CNOT1: variants seen among roughly 807,000 people sequenced by gnomAD.
The protein encoded by CNOT1 is CCR4-NOT transcription complex subunit 1.
CNOT1 carries 15 observed loss-of-function variants against 273.8 expected under a neutral mutation model. That is an observed-to-expected ratio of 0.05 (90% CI 0.04 to 0.08). The LOEUF (loss-of-function observed/expected upper bound fraction) is 0.08, where lower values mean the gene tolerates loss of function less well. Among genes scored for constraint, CNOT1 ranks in the 10% least tolerant of loss-of-function variants. The probability of loss-of-function intolerance (pLI) is 1.00; values close to 1 mark genes in which losing one functional copy is unlikely to be tolerated. For missense variants in CNOT1, 1,644 were observed against 2,912.2 expected (o/e 0.56, Z 10.02); for synonymous variants, 1,022 against 1,005.5 (o/e 1.02, Z -0.31).
At position 58,520,919 on chromosome 16, in the gene CNOT1, A is replaced by G. The variant is rs2039345115; in HGVS notation, c.*39T>C. Reference sequence around the variant, plus strand: ...CAGTTTATGAACTCGGTGCAGTGAGACCTCTAGACTGACACGTACAACAGA... The same window carrying G: ...CAGTTTATGAACTCGGTGCAGTGAGGCCTCTAGACTGACACGTACAACAGA... On this transcript the variant is annotated 3_prime_UTR_variant, in exon 49 of 49. Coordinates refer to ENST00000317147, the MANE Select transcript of CNOT1 (RefSeq NM_016284.5). The G allele has an allele frequency of 1.3e-6, 2 of 1,588,822 alleles. No individual in the cohort carries two copies. The highest frequency in any genetic ancestry group is 1.7e-6 in the Non-Finnish European group (2 of 1,162,678).
chr16:58,558,234 A>G (rs1479748369), intron 18 of CNOT1, among the ~76,000 whole-genome samples: 1 of 152,206 alleles, frequency 6.6e-6, no homozygotes, highest in African/African-American at 2.4e-5. Context: ...TTAATAAAAA[A>G]TCCTTACTAA....
chr16:58,562,810 G>A (rs534987742), intron 16 of CNOT1, among the ~76,000 whole-genome samples: 8 of 152,112 alleles, frequency 5.3e-5, no homozygotes, highest in African/African-American at 1.9e-4. Flanking sequence ...GTGACAGTGC[G>A]AGACTCCATC....
At position 58,574,871 on chromosome 16, in the gene CNOT1, T is replaced by C. The variant is rs559092680; in HGVS notation, c.1828-111A>G. On this transcript the variant is annotated intron_variant, in intron 15 of 48. Coordinates refer to ENST00000317147, the MANE Select transcript of CNOT1 (RefSeq NM_016284.5). ...AAATCCAAAATAAGTAACATCTTCA[T>C]TGCCATTTAAAAAAGTTGTTTCTTT... 1.0e-3 allele frequency: 1,598 copies of C among 1,561,292 alleles called. 2 individuals are homozygous for C. Among genetic ancestry groups the C allele is most frequent in the Non-Finnish European group, 1.3e-3 (1,545 of 1,161,708 alleles).
At position 58,575,074 on chromosome 16, in the gene CNOT1, G is replaced by A; in HGVS notation, c.1760C>T (p.Ala587Val). 1 of 1,614,100 alleles carries A rather than the reference G, an allele frequency of 6.2e-7. No homozygotes were observed. The highest frequency in any genetic ancestry group is 8.5e-7 in the Non-Finnish European group (1 of 1,180,014). ...GAGGTATTCACGACGTGAAGCAAGTGCAGCAAGGTCAATAACAAAGGCAAA... is the reference window on the plus strand; with the variant it reads ...GAGGTATTCACGACGTGAAGCAAGTACAGCAAGGTCAATAACAAAGGCAAA... The part of the protein sequence containing the change: ...TPFAFVIDLA[A>V]LASRREYLKL... Residue 587 changes from alanine (A) to valine (V), a missense_variant, in exon 15 of 49, where the codon GCA becomes GTA. Physicochemically the swap from Ala to Val is moderately conservative, Grantham distance 64. Around this residue, in one of 13 missense-constraint regions of CNOT1, gnomAD observed 706 missense variants for 1,021.2 expected, o/e 0.69. Transcript: ENST00000317147.
At chr16:58,548,659 A>T (rs771009820) in intron 25 of CNOT1, 12 of 515,558 alleles carry the variant, frequency 2.3e-5, no homozygotes, top group South Asian at 1.7e-4. Context: ...GACCCAAGTT[A>T]TTGAGCAAAG....
At position 58,587,329 on chromosome 16, in the gene CNOT1, T is replaced by C. The variant is rs772370986; in HGVS notation, c.378+16A>G. ...AATTCTAGTTTTGTCTACATCTCTT[T>C]TCATAAATCACTCACCTCTTGTACT... On this transcript the variant is annotated intron_variant, in intron 5 of 48. Transcript: ENST00000317147. 83 of 1,613,782 alleles carry C rather than the reference T, an allele frequency of 5.1e-5. No homozygotes were observed. In the Admixed American group the frequency reaches 6.5e-4, roughly 13 times the overall value.
intron 2 of CNOT1, among the ~76,000 whole-genome samples, chr16:58,594,533 G>A (rs2042180685): frequency 6.6e-6 from 1 of 152,086 alleles, no homozygotes; most frequent in Non-Finnish European, 1.5e-5. Context: ...GCCAGGCGTG[G>A]GGGCTCACGT....
At chr16:58,535,521 G>A (rs1412824743) in intron 39 of CNOT1, among the ~76,000 whole-genome samples, 2 of 152,168 alleles carry the variant, frequency 1.3e-5, no homozygotes, top group Non-Finnish European at 2.9e-5. Context: ...GCTGAGACAG[G>A]TGCCACATCC....
intron 27 of CNOT1, 87 bp from the exon 28 acceptor site, chr16:58,546,836 T>G: frequency 6.6e-7 from 1 of 1,510,790 alleles, no homozygotes; most frequent in Non-Finnish European, 9.0e-7. Flanking sequence ...CATAAGGGGG[T>G]AGGGGGGAGT....
intron 40 of CNOT1, 63 bp from the exon 41 acceptor site, chr16:58,532,458 C>A: frequency 6.4e-7 from 1 of 1,569,142 alleles, no homozygotes; most frequent in South Asian, 1.2e-5. Flanking sequence ...ACTTCGATGT[C>A]ATGCTTTTTA....
At chr16:58,612,904 T>A (rs1370535158) in intron 1 of CNOT1, among the ~76,000 whole-genome samples, 1 of 152,180 alleles carries the variant, frequency 6.6e-6, no homozygotes, top group Non-Finnish European at 1.5e-5. Flanking sequence ...CTAAGTAGAA[T>A]TGGTCTAAGC....
rs1206323614 is a variant in CNOT1 at position 58,586,627 on chromosome 16, G to A, written c.555C>T (p.Leu185=). The A allele has an allele frequency of 3.1e-6, 5 of 1,613,082 alleles. No individual in the cohort carries two copies. Among genetic ancestry groups the A allele is most frequent in the Non-Finnish European group, 4.2e-6 (5 of 1,179,840 alleles). The change falls in exon 7 of 49, where the codon CTC becomes CTT. Residue 185 remains leucine, a synonymous_variant. Coordinates refer to ENST00000317147, the MANE Select transcript of CNOT1 (RefSeq NM_016284.5). ...DIAIEVLHLL[L]SHLLFGQKGA... ...CCTTCTGCCCAAAGAGGAGATGGGA[G>A]AGGAGGAGGTGTAGGACCTCTATTG...
chr16:58,614,256 T>C (rs893455422), intron 1 of CNOT1, among the ~76,000 whole-genome samples: 3 of 124,406 alleles, frequency 2.4e-5, no homozygotes, highest in African/African-American at 8.1e-5. Flanking sequence ...CCTGCTGTCC[T>C]TAGAAAGGCT....
intron 29 of CNOT1, 116 bp downstream of exon 29, chr16:58,546,205 A>T: frequency 1.1e-6 from 1 of 908,384 alleles, no homozygotes; most frequent in Non-Finnish European, 1.7e-6. Flanking sequence ...AAACGTATAC[A>T]AAGTTTCACC....
chr16:58,608,161 G>C (rs938611413), intron 1 of CNOT1, among the ~76,000 whole-genome samples: 2 of 151,912 alleles, frequency 1.3e-5, no homozygotes, highest in Admixed American at 1.3e-4. Flanking sequence ...GGGTGACAGA[G>C]CTAGACTCTT....
At chr16:58,563,721 C>T (rs780448283) in intron 16 of CNOT1, among the ~76,000 whole-genome samples, 4 of 152,198 alleles carry the variant, frequency 2.6e-5, no homozygotes, top group Non-Finnish European at 4.4e-5. Context: ...ACCATAATAA[C>T]AGGCACATAC....
At chr16:58,596,454 G>A (rs1364214050) in intron 2 of CNOT1, among the ~76,000 whole-genome samples, 3 of 152,176 alleles carry the variant, frequency 2.0e-5, no homozygotes, top group Non-Finnish European at 4.4e-5. Context: ...ACAGAAGTGT[G>A]TGGAATTGAT....
rs750871133 is a variant in CNOT1, at chr16:58,581,483, A to G, written c.1077T>C (p.Tyr359=). Residue 359 remains tyrosine (Y), a synonymous_variant, in exon 11 of 49, where the codon TAT becomes TAC. Transcript: ENST00000317147. ...NPSLNFKEVT[Y]ELDHPGFQIR... is the part of the protein sequence containing the mutation. ...TTTGAAATCCAGGATGGTCCAGTTC[A>G]TAAGTTACTTCCTTGAAATTCAAAC... 2.5e-6 allele frequency: 4 copies of G among 1,612,370 alleles called. No individual in the cohort carries two copies. Among genetic ancestry groups the G allele is most frequent in the African/African-American group, 1.3e-5 (1 of 74,898 alleles).
intron 1 of CNOT1, among the ~76,000 whole-genome samples, chr16:58,619,573 C>T (rs1351403785): frequency 6.6e-6 from 1 of 151,954 alleles, no homozygotes; most frequent in Non-Finnish European, 1.5e-5. Context: ...GACTAGCCGC[C>T]CGCCACCACA....
Sources: allele counts gnomAD v4.1 joint callset (sites outside exome capture counted in the v4.1 genomes callset), GRCh38; gene constraint gnomAD v4.1.1; regional missense constraint gnomAD v4.1.1; transcripts MANE v1.5; gene names NCBI Gene and HGNC (gene_info 2026-07-23, HGNC 2026-07-21).